Variants in KANSL1 observed in about 807,000 individuals in gnomAD.
The protein encoded by KANSL1 is KAT8 regulatory NSL complex subunit 1, also known as MLL1/MLL complex subunit KANSL1.
Under a neutral mutation model 103.6 loss-of-function variants are expected in KANSL1, and 22 were observed. The ratio of observed to expected loss-of-function variants is 0.21; its 90% CI spans 0.15 to 0.30. The LOEUF (loss-of-function observed/expected upper bound fraction) is 0.30, where lower values mean the gene tolerates loss of function less well. Ranked by LOEUF, KANSL1 falls within the 10% of genes least tolerant of loss-of-function variation. The pLI, the probability that KANSL1 is intolerant of heterozygous loss-of-function variation, is 1.00. For missense variants in KANSL1, 1,337 were observed against 1,399.8 expected, an observed-to-expected ratio of 0.96 and a Z score of 0.72; for synonymous variants, 600 against 527.6, an observed-to-expected ratio of 1.14 and a Z score of -1.88.
chr17:46,188,291 G>C (rs1175746610), intron 1 of KANSL1, among the ~76,000 whole-genome samples: 2 of 152,210 alleles, frequency 1.3e-5, no homozygotes, highest in African/African-American at 4.8e-5. Flanking sequence ...GTTCAACTGA[G>C]TTTTGATCTC....
intron 2 of KANSL1, among the ~76,000 whole-genome samples, chr17:46,162,512 C>T (rs1376056811): frequency 6.6e-6 from 1 of 152,214 alleles, no homozygotes; most frequent in Non-Finnish European, 1.5e-5. Context: ...CATATCCATC[C>T]AATGTAGTTA....
At chr17:46,220,776 T>A (rs1293836162) in intron 1 of KANSL1, among the ~76,000 whole-genome samples, 2 of 152,182 alleles carry the variant, frequency 1.3e-5, no homozygotes, top group Non-Finnish European at 2.9e-5. Flanking sequence ...AAGCTCCGTC[T>A]CCCGGGCTCA....
intron 2 of KANSL1, among the ~76,000 whole-genome samples, chr17:46,143,222 A>G (rs2044513051): frequency 6.6e-6 from 1 of 152,244 alleles, no homozygotes; most frequent in Non-Finnish European, 1.5e-5. Flanking sequence ...GTACCCATTC[A>G]GCAGTTCTGT....
intron 7 of KANSL1, 128 bp from the exon 8 acceptor site, chr17:46,040,012 G>A: frequency 1.3e-6 from 1 of 766,040 alleles, no homozygotes; most frequent in Non-Finnish European, 2.2e-6. Context: ...GCTGTCATAT[G>A]GAAGATCTGT....
intron 2 of KANSL1, among the ~76,000 whole-genome samples, chr17:46,135,533 C>G (rs1399958786): frequency 6.9e-6 from 1 of 144,784 alleles, no homozygotes; most frequent in Non-Finnish European, 1.5e-5. Context: ...TTTTTCCCCT[C>G]AACTATACAT....
chr17:46,198,962 C>T (rs1193940797), intron 1 of KANSL1, among the ~76,000 whole-genome samples: 2 of 152,180 alleles, frequency 1.3e-5, no homozygotes, highest in African/African-American at 4.8e-5. Context: ...GAAATGAACA[C>T]ATAAACCTAT....
intron 2 of KANSL1, among the ~76,000 whole-genome samples, chr17:46,132,137 A>G (rs1022955301): frequency 6.6e-6 from 1 of 152,198 alleles, no homozygotes; most frequent in Non-Finnish European, 1.5e-5. Flanking sequence ...CAAAAAAAAA[A>G]AAGTAAAATG....
Position 46,122,369 on chromosome 17 carries a change from C to G in KANSL1, c.1290-27668G>C, listed in dbSNP as rs140576495. 4.6e-5 allele frequency among the ~76,000 whole-genome samples: 7 copies of G among 152,300 alleles called. No homozygotes were observed. The East Asian group carries it at 1.3e-3, about 29-fold the overall frequency. ...TAGGAACAGATCTATGGGTAGGACA[C>G]AAGCATATTTAGGCTGCTATCATAA... On this transcript the variant is annotated intron_variant, in intron 2 of 14. Transcript: ENST00000432791.
intron 2 of KANSL1, among the ~76,000 whole-genome samples, chr17:46,116,024 A>G (rs1294233592): frequency 1.3e-5 from 2 of 152,246 alleles, no homozygotes; most frequent in Non-Finnish European, 2.9e-5. Context: ...TCATGTTACT[A>G]ACTATAGAAT....
chr17:46,211,033 G>A (rs2048152326), intron 1 of KANSL1, among the ~76,000 whole-genome samples: 1 of 152,064 alleles, frequency 6.6e-6, no homozygotes, highest in Non-Finnish European at 1.5e-5. Context: ...ACCTCTAAGA[G>A]CCCACTGAGA....
intron 2 of KANSL1, among the ~76,000 whole-genome samples, chr17:46,143,908 C>T (rs1418223968): frequency 6.6e-6 from 1 of 151,570 alleles, no homozygotes; most frequent in Non-Finnish European, 1.5e-5. Flanking sequence ...GACCACAGAG[C>T]TAGTAAAATT....
At chr17:46,184,106 C>A (rs1490266430) in intron 1 of KANSL1, among the ~76,000 whole-genome samples, 1 of 152,178 alleles carries the variant, frequency 6.6e-6, no homozygotes, top group Non-Finnish European at 1.5e-5. Flanking sequence ...TTAATTTAAA[C>A]ATCTACTAAA....
chr17:46,213,127 T>TAA (rs35446435), intron 1 of KANSL1, among the ~76,000 whole-genome samples: 2 of 152,058 alleles, frequency 1.3e-5, no homozygotes, highest in Middle Eastern at 3.4e-3. Flanking sequence ...AAGTGCCCAG[T>TAA]AAAAAAAAGT....
At chr17:46,053,366 T>C (rs2077794872) in intron 6 of KANSL1, among the ~76,000 whole-genome samples, 1 of 152,186 alleles carries the variant, frequency 6.6e-6, no homozygotes, top group Non-Finnish European at 1.5e-5. Context: ...TGTGCACACA[T>C]GTAACTTAAA....
intron 1 of KANSL1, among the ~76,000 whole-genome samples, chr17:46,216,967 T>A (rs536620477): frequency 9.2e-5 from 14 of 152,062 alleles, no homozygotes; most frequent in African/African-American, 2.9e-4. Context: ...AATAGCCAGA[T>A]GTGGTAGTGT....
rs547209224 is a variant in KANSL1, at chr17:46,127,109, T to G, written c.1290-32408A>C. Among the ~76,000 whole-genome samples, 13 of 152,338 alleles carry G rather than the reference T, an allele frequency of 8.5e-5. No homozygotes were observed. The South Asian group carries it at 2.7e-3, about 32-fold the overall frequency. Reference sequence around the variant, plus strand: ...AATAACAATCATATTTAAATAAATGTCCTTTACAGAACATCACCACTTTCC... The same window carrying G: ...AATAACAATCATATTTAAATAAATGGCCTTTACAGAACATCACCACTTTCC... On this transcript the variant is annotated intron_variant, in intron 2 of 14. Coordinates refer to ENST00000432791, the MANE Select transcript of KANSL1 (RefSeq NM_015443.4).
intron 2 of KANSL1, among the ~76,000 whole-genome samples, chr17:46,169,037 T>G (rs550767056): frequency 6.6e-6 from 1 of 152,356 alleles, no homozygotes; most frequent in East Asian, 1.9e-4. Context: ...CTGAAAACAA[T>G]ACGCTTATAG....
intron 2 of KANSL1, among the ~76,000 whole-genome samples, chr17:46,135,542 A>ATTTTTTTTTT (rs34258265): frequency 2.3e-3 from 270 of 118,910 alleles, no homozygotes; most frequent in Middle Eastern, 4.5e-3. Context: ...TCAACTATAC[A>ATTTTTTTTTT]TTTTTTTTTT....
chr17:46,192,258 G>A (rs964018038), intron 1 of KANSL1, among the ~76,000 whole-genome samples: 5 of 151,782 alleles, frequency 3.3e-5, no homozygotes, highest in Non-Finnish European at 7.4e-5. Flanking sequence ...CAAAAAGGCA[G>A]TTAAGATTCC....
Sources: allele counts gnomAD v4.1 joint callset (sites outside exome capture counted in the v4.1 genomes callset), GRCh38; gene constraint gnomAD v4.1.1; transcripts MANE v1.5; gene names NCBI Gene and HGNC (gene_info 2026-07-23, HGNC 2026-07-21).